The following HNRNPH3 variants were observed in gnomAD, a reference collection of about 807,000 sequenced individuals.
HNRNPH3 encodes the protein heterogeneous nuclear ribonucleoprotein H3, also known as heterogeneous nuclear ribonucleoprotein 2H9.
HNRNPH3 carries 7 observed loss-of-function variants against 47.0 expected under a neutral mutation model. The ratio of observed to expected loss-of-function variants is 0.15; its 90% CI spans 0.08 to 0.28. HNRNPH3 has a LOEUF of 0.28. Among genes scored for constraint, HNRNPH3 ranks in the 10% least tolerant of loss-of-function variants. HNRNPH3 has a pLI of 1.00. For missense variants in HNRNPH3, 279 were observed against 449.6 expected (o/e 0.62, Z 3.43); for synonymous variants, 120 against 143.2 (o/e 0.84, Z 1.16).
rs1198045208 is a variant in HNRNPH3 at position 68,337,181 on chromosome 10, C to T, written c.-23-18C>T. The stretch of plus-strand genomic sequence containing the variant: ...ATATTTTGATTGACTGCTCTATGTG[C>T]TTGTTTATTTTTTATAGCATTTAAA... On this transcript the variant is annotated intron_variant, in intron 1 of 9. Transcript: ENST00000265866. The surrounding 1 kb of genome is among the most constrained non-coding windows in gnomAD (Gnocchi z 4.5). The T allele has an allele frequency of 2.5e-6, 3 of 1,214,906 alleles. No individual in the cohort carries two copies. The highest frequency in any genetic ancestry group is 1.5e-5 in the African/African-American group (1 of 66,942). 75.3% of individuals were successfully genotyped at this position (1,214,906 alleles called of 1,614,324 possible). A position where few individuals can be genotyped will look rare whatever the true frequency, so the allele number is the denominator to read the frequency against.
chr10:68,338,284 A>G, intron 3 of HNRNPH3: 1 of 459,116 alleles, frequency 2.2e-6, no homozygotes, highest in Middle Eastern at 5.7e-4. Context: ...AGACAAAGTA[A>G]AAATATACTT....
Position 68,341,562 on chromosome 10 carries a change from T to C in HNRNPH3, c.776-23T>C, listed in dbSNP as rs376494788. The C allele has an allele frequency of 1.0e-5, 15 of 1,476,940 alleles. No individual in the cohort carries two copies. In the African/African-American group the frequency reaches 2.0e-4, roughly 19 times the overall value. The allele number at this position is 1,476,940 out of a possible 1,614,324, so 91.5% of individuals were successfully genotyped here. On this transcript the variant is annotated intron_variant, in intron 7 of 9. Coordinates refer to ENST00000265866, the MANE Select transcript of HNRNPH3 (RefSeq NM_012207.3). Reference sequence around the variant, plus strand: ...TATCCATCATTCCTTTCTCCCCTGTTACTCTTTCTTTTTTTCTTAAAGAAC... The same window carrying C: ...TATCCATCATTCCTTTCTCCCCTGTCACTCTTTCTTTTTTTCTTAAAGAAC...
Position 68,338,251 on chromosome 10 carries a change from A to G in HNRNPH3, c.252-252A>G, listed in dbSNP as rs2045638032. On this transcript the variant is annotated intron_variant, in intron 3 of 9. Coordinates refer to ENST00000265866, the MANE Select transcript of HNRNPH3 (RefSeq NM_012207.3). ...TTTGTATAATCACCTATTTCCTTTA[A>G]AACACCTATTATGTACTAAAAGAGA... 2.4e-5 allele frequency: 11 copies of G among 454,454 alleles called. No individual in the cohort carries two copies. In the South Asian group the frequency reaches 5.1e-4, roughly 21 times the overall value. 28.2% of individuals were successfully genotyped at this position (454,454 alleles called of 1,614,324 possible).
In HNRNPH3 at chr10:68,334,430, C is replaced by A. The variant is rs116595367; in HGVS notation, c.-24+2214C>A. 3.4e-3 allele frequency among the ~76,000 whole-genome samples: 514 copies of A among 152,178 alleles called. 7 individuals carry two copies. The highest frequency in any genetic ancestry group is 0.012 in the African/African-American group (487 of 41,508). On this transcript the variant is annotated intron_variant, in intron 1 of 9. Coordinates refer to ENST00000265866, the MANE Select transcript of HNRNPH3 (RefSeq NM_012207.3). ...TCTTTAACGACTTTGGTATATAATTCACATACCGTAAACTTCACCAATTTT... is the reference window on the plus strand; with the variant it reads ...TCTTTAACGACTTTGGTATATAATTAACATACCGTAAACTTCACCAATTTT...
rs12416049 is a variant in HNRNPH3 at position 68,337,031 on chromosome 10, G to A, written c.-23-168G>A. ...GGGGTCAGGTCTCATTGCCTTTTCC[G>A]TACCCCAAAATATGAAAGGTGGTCT... On this transcript the variant is annotated intron_variant, in intron 1 of 9. Transcript: ENST00000265866. This position sits in a 1 kb window ranked among gnomAD's most constrained non-coding sequence, Gnocchi z 4.5. The A allele has an allele frequency of 4.7e-3, 2,255 of 478,314 alleles. 50 individuals are homozygous for A. In the Admixed American group the frequency reaches 0.053, roughly 11 times the overall value. 29.6% of individuals were successfully genotyped at this position (478,314 alleles called of 1,614,324 possible). A position where few individuals can be genotyped will look rare whatever the true frequency, so the allele number is the denominator to read the frequency against.
chr10:68,340,314 C>T (rs567294056), intron 6 of HNRNPH3, among the ~76,000 whole-genome samples: 3 of 152,286 alleles, frequency 2.0e-5, no homozygotes, highest in Non-Finnish European at 4.4e-5. Context: ...AGGCGTGAGC[C>T]ACTGCGCCTG....
Position 68,339,180 on chromosome 10 carries a change from C to T in HNRNPH3, c.477C>T (p.Tyr159=), listed in dbSNP as rs112332074. The change falls in exon 5 of 10, where the codon TAC becomes TAT. Residue 159 remains tyrosine (Y), a synonymous_variant. Coordinates refer to ENST00000265866, the MANE Select transcript of HNRNPH3 (RefSeq NM_012207.3). The part of the protein sequence containing the change: ...GFDDYGGYNN[Y]GYGNDGFDDR... Reference sequence around the variant, plus strand: ...ATGACTATGGTGGCTATAATAATTACGGCTATGGGAATGATGGCTTTGATG... The same window carrying T: ...ATGACTATGGTGGCTATAATAATTATGGCTATGGGAATGATGGCTTTGATG... 1.1e-5 allele frequency: 17 copies of T among 1,609,416 alleles called. No homozygotes were observed. The highest frequency in any genetic ancestry group is 4.0e-5 in the African/African-American group (3 of 74,758).
At position 68,342,286 on chromosome 10, in the gene HNRNPH3, AC is replaced by A; in HGVS notation, c.*233del. ...TTATATTCAAACCACTGATGTTGAT[AC>A]TTTTTATATACTAGTTACTCCTAAA... On this transcript the variant is annotated 3_prime_UTR_variant, in exon 10 of 10. Coordinates refer to ENST00000265866, the MANE Select transcript of HNRNPH3 (RefSeq NM_012207.3). 1 of 438,670 alleles carries A rather than the reference AC, an allele frequency of 2.3e-6. No homozygotes were observed. Among genetic ancestry groups the A allele is most frequent in the Admixed American group, 4.0e-5 (1 of 25,284 alleles). The allele number at this position is 438,670 out of a possible 1,614,324, so 27.2% of individuals were successfully genotyped here. A position where few individuals can be genotyped will look rare whatever the true frequency, so the allele number is the denominator to read the frequency against.
chr10:68,337,677 AT>A lies in HNRNPH3; in HGVS notation c.113-178del. 1 of 570,938 alleles carries A rather than the reference AT, an allele frequency of 1.8e-6. No individual in the cohort carries two copies. Among genetic ancestry groups the A allele is most frequent in the Non-Finnish European group, 3.0e-6 (1 of 332,622 alleles). 35.4% of individuals were successfully genotyped at this position (570,938 alleles called of 1,614,324 possible). On this transcript the variant is annotated intron_variant, in intron 2 of 9. Coordinates refer to ENST00000265866, the MANE Select transcript of HNRNPH3 (RefSeq NM_012207.3). This position sits in a 1 kb window ranked among gnomAD's most constrained non-coding sequence, Gnocchi z 4.5. ...AGTGTTTTTACACTGGTCGCAAAAAATTTATTTAATCCAGTAATATTTGAAA... is the reference window on the plus strand; with the variant it reads ...AGTGTTTTTACACTGGTCGCAAAAAATTATTTAATCCAGTAATATTTGAAA...
chr10:68,337,382 G>T lies in HNRNPH3; in HGVS notation c.112+49G>T, dbSNP rs1198601673. 2 of 1,142,980 alleles carry T rather than the reference G, an allele frequency of 1.7e-6. No individual in the cohort carries two copies. Among genetic ancestry groups the T allele is most frequent in the Non-Finnish European group, 2.6e-6 (2 of 764,222 alleles). 70.8% of individuals were successfully genotyped at this position (1,142,980 alleles called of 1,614,324 possible). On this transcript the variant is annotated intron_variant, in intron 2 of 9. Coordinates refer to ENST00000265866, the MANE Select transcript of HNRNPH3 (RefSeq NM_012207.3). This position sits in a 1 kb window ranked among gnomAD's most constrained non-coding sequence, Gnocchi z 4.5. ...TTAGTAGTATTGTAATTTTATATTT[G>T]TATTGTTTTACTGTTTTTAATTTGT...
rs946158479 is a variant in HNRNPH3, at chr10:68,341,456, C to T, written c.776-129C>T. The T allele has an allele frequency of 4.0e-5, 40 of 996,820 alleles. 2 individuals are homozygous for T. Among genetic ancestry groups the T allele is most frequent in the East Asian group, 2.8e-4 (11 of 39,804 alleles). The allele number at this position is 996,820 out of a possible 1,614,324, so 61.7% of individuals were successfully genotyped here. ...ATGGCTTTCTGTGGGCTTTATATAT[C>T]GCTGTACTAGTAATTAATAAGCATA... On this transcript the variant is annotated intron_variant, in intron 7 of 9. Coordinates refer to ENST00000265866, the MANE Select transcript of HNRNPH3 (RefSeq NM_012207.3).
Position 68,343,162 on chromosome 10 carries a change from GTTA to G in HNRNPH3, c.*1112_*1114del, listed in dbSNP as rs1292155842. The stretch of plus-strand genomic sequence containing the variant: ...CTTGTTACTTGTTTTTGCCAGAAAT[GTTA>G]TTAATAAATGTCATTGTGGGAGATA... On this transcript the variant is annotated 3_prime_UTR_variant, in exon 10 of 10. Transcript: ENST00000265866. 6.6e-6 allele frequency: 1 copy of G among 152,176 alleles called. No individual in the cohort carries two copies. Among genetic ancestry groups the G allele is most frequent in the Non-Finnish European group, 1.5e-5 (1 of 68,026 alleles). 9.4% of individuals were successfully genotyped at this position (152,176 alleles called of 1,614,324 possible). A position where few individuals can be genotyped will look rare whatever the true frequency, so the allele number is the denominator to read the frequency against.
intron 9 of HNRNPH3, 48 bp downstream of exon 9, chr10:68,341,899 A>G (rs2273902): frequency 0.036 from 57,362 of 1,592,386 alleles, 2,713 homozygotes; most frequent in East Asian, 0.27. Flanking sequence ...TGTAGTGCAA[A>G]CTTTAAAGTG....
intron 1 of HNRNPH3, among the ~76,000 whole-genome samples, chr10:68,336,500 A>G (rs2045552839): frequency 6.6e-6 from 1 of 152,218 alleles, no homozygotes; most frequent in African/African-American, 2.4e-5. Context: ...CACTGTCTCC[A>G]GTGGCTTCAA....
At chr10:68,336,413 T>G (rs1297996608) in intron 1 of HNRNPH3, among the ~76,000 whole-genome samples, 1 of 152,218 alleles carries the variant, frequency 6.6e-6, no homozygotes, top group Non-Finnish European at 1.5e-5. Flanking sequence ...CCTTTTATGC[T>G]TTATTAAAAA....
Position 68,342,972 on chromosome 10 carries a change from A to T in HNRNPH3, c.*918A>T, listed in dbSNP as rs975686778. 1 of 152,208 alleles carries T rather than the reference A, an allele frequency of 6.6e-6. No homozygotes were observed. Among genetic ancestry groups the T allele is most frequent in the African/African-American group, 2.4e-5 (1 of 41,448 alleles). The allele number at this position is 152,208 out of a possible 1,614,324, so 9.4% of individuals were successfully genotyped here. ...TCATAGTCAATAAAAACAATCCTGC[A>T]GTTGGGTTTTGTATCTGATCCCTGC... On this transcript the variant is annotated 3_prime_UTR_variant, in exon 10 of 10. Coordinates refer to ENST00000265866, the MANE Select transcript of HNRNPH3 (RefSeq NM_012207.3).
intron 1 of HNRNPH3, chr10:68,336,832 G>A: frequency 6.0e-6 from 1 of 167,046 alleles, no homozygotes. Flanking sequence ...ATAATCAGTT[G>A]AATAAAAACC....
At chr10:68,340,792 C>G (rs2045868969) in intron 6 of HNRNPH3, among the ~76,000 whole-genome samples, 2 of 142,422 alleles carry the variant, frequency 1.4e-5, no homozygotes, top group African/African-American at 5.3e-5. Context: ...CCGTATTTCT[C>G]TCTGTGTGTT....
chr10:68,334,008 C>T (rs1239348634), intron 1 of HNRNPH3, among the ~76,000 whole-genome samples: 1 of 152,120 alleles, frequency 6.6e-6, no homozygotes, highest in Non-Finnish European at 1.5e-5. Flanking sequence ...TTCATTTGTG[C>T]CGTTATCTGG....
Sources: gnomAD v4.1 joint callset for allele counts (sites outside exome capture counted in the v4.1 genomes callset) on GRCh38, gnomAD v4.1.1 for gene constraint, Gnocchi (gnomAD v3.1) non-coding constraint, MANE v1.5 for transcripts, NCBI Gene and HGNC (gene_info 2026-07-23, HGNC 2026-07-21) for gene names.